TGFA: variants seen among roughly 807,000 people sequenced by gnomAD.
The protein encoded by TGFA is transforming growth factor alpha, also known as protransforming growth factor alpha.
Under a neutral mutation model 21.7 loss-of-function variants are expected in TGFA, and 12 were observed. That is an observed-to-expected ratio of 0.55 (90% CI 0.35 to 0.90). The LOEUF (loss-of-function observed/expected upper bound fraction) is 0.90, where lower values mean the gene tolerates loss of function less well. Ranked by LOEUF, TGFA falls within the 40% of genes least tolerant of loss-of-function variation. TGFA has a pLI of 0.01. For synonymous variants in TGFA, 79 were observed against 88.1 expected (o/e 0.90, Z 0.58); for missense variants, 178 against 210.8 (o/e 0.84, Z 0.96).
At chr2:70,532,390 TG>T (rs1672837887) in intron 1 of TGFA, among the ~76,000 whole-genome samples, 1 of 152,216 alleles carries the variant, frequency 6.6e-6, no homozygotes, top group Non-Finnish European at 1.5e-5. Context: ...CATCTACTTT[TG>T]CTCTGCCCCA....
At chr2:70,498,200 C>T (rs1671632804) in intron 2 of TGFA, among the ~76,000 whole-genome samples, 3 of 152,242 alleles carry the variant, frequency 2.0e-5, no homozygotes, top group South Asian at 2.1e-4. Context: ...CATACCTCAC[C>T]TCTTAAACAG....
At chr2:70,471,174 C>T (rs1403196589) in intron 2 of TGFA, among the ~76,000 whole-genome samples, 3 of 146,788 alleles carry the variant, frequency 2.0e-5, no homozygotes, top group East Asian at 2.1e-4. Context: ...AGGTTCTTTG[C>T]GCAGGGTGCT....
chr2:70,495,608 C>G (rs1263653323), intron 2 of TGFA, among the ~76,000 whole-genome samples: 12 of 152,136 alleles, frequency 7.9e-5, no homozygotes, highest in Admixed American at 7.9e-4. Flanking sequence ...TCTGACACAT[C>G]TTTTAAAGAT....
intron 1 of TGFA, among the ~76,000 whole-genome samples, chr2:70,546,558 C>T (rs1434046146): frequency 2.6e-5 from 4 of 152,112 alleles, no homozygotes; most frequent in South Asian, 2.1e-4. Flanking sequence ...ACTGCAACCT[C>T]GACCTCCCAG....
At position 70,450,687 on chromosome 2, in the gene TGFA, A is replaced by C. The variant is rs1058211; in HGVS notation, c.*172T>G. 35,591 of 666,074 alleles carry C rather than the reference A, an allele frequency of 0.053. 1,351 individuals carry two copies. The highest frequency in any genetic ancestry group is 0.12 in the South Asian group (6,356 of 51,660). 41.3% of individuals were successfully genotyped at this position (666,074 alleles called of 1,614,324 possible). ...TAGGTCACACTGAATAACCCCAAGCAGACGGAGTTCTTGACAGAGTTTTGA... is the reference window on the plus strand; with the variant it reads ...TAGGTCACACTGAATAACCCCAAGCCGACGGAGTTCTTGACAGAGTTTTGA... On this transcript the variant is annotated 3_prime_UTR_variant, in exon 6 of 6. Transcript: ENST00000295400.
intron 2 of TGFA, among the ~76,000 whole-genome samples, chr2:70,471,003 C>T (rs1670726438): frequency 6.6e-6 from 1 of 151,528 alleles, no homozygotes; most frequent in South Asian, 2.1e-4. Context: ...AGAATAAAAC[C>T]CATCTGTAAT....
chr2:70,485,146 GTT>G (rs1553496404), intron 2 of TGFA, among the ~76,000 whole-genome samples: 1 of 152,118 alleles, frequency 6.6e-6, no homozygotes, highest in Non-Finnish European at 1.5e-5. Context: ...GGTAAGTCTT[GTT>G]TATAGCAATA....
At chr2:70,548,016 G>A (rs1553506247) in intron 1 of TGFA, among the ~76,000 whole-genome samples, 1 of 151,874 alleles carries the variant, frequency 6.6e-6, no homozygotes. Flanking sequence ...AAGTGTTCTA[G>A]AGAAAAAATA....
intron 1 of TGFA, among the ~76,000 whole-genome samples, chr2:70,524,499 C>T (rs1237715910): frequency 2.0e-5 from 3 of 152,262 alleles, no homozygotes; most frequent in Admixed American, 6.5e-5. Context: ...GGGCGAGTAT[C>T]GCCGAGCCCT....
At chr2:70,548,954 A>G (rs1199412360) in intron 1 of TGFA, among the ~76,000 whole-genome samples, 2 of 152,198 alleles carry the variant, frequency 1.3e-5, no homozygotes, top group African/African-American at 4.8e-5. Flanking sequence ...AAAAGGCTAA[A>G]CAAAACCAAA....
At chr2:70,527,991 G>A (rs1672691267) in intron 1 of TGFA, among the ~76,000 whole-genome samples, 2 of 152,190 alleles carry the variant, frequency 1.3e-5, no homozygotes, top group Non-Finnish European at 2.9e-5. Context: ...AGCCTTGTAC[G>A]GAGCACTGTG....
intron 1 of TGFA, among the ~76,000 whole-genome samples, chr2:70,519,493 C>T (rs145355252): frequency 1.6e-4 from 25 of 152,278 alleles, no homozygotes; most frequent in African/African-American, 5.8e-4. Context: ...GGTGAGGATG[C>T]TGGCTTCAGG....
At chr2:70,490,635 A>G (rs928367273) in intron 2 of TGFA, among the ~76,000 whole-genome samples, 2 of 152,190 alleles carry the variant, frequency 1.3e-5, no homozygotes, top group African/African-American at 4.8e-5. Flanking sequence ...CTTCCAAAAA[A>G]CACAAATGTC....
At chr2:70,523,626 C>G (rs151108139) in intron 1 of TGFA, among the ~76,000 whole-genome samples, 13 of 152,306 alleles carry the variant, frequency 8.5e-5, no homozygotes, top group African/African-American at 2.9e-4. Flanking sequence ...GCAGGCAGAG[C>G]TCCCTGCCTG....
intron 2 of TGFA, among the ~76,000 whole-genome samples, chr2:70,498,766 A>G (rs1466514819): frequency 6.6e-6 from 1 of 152,092 alleles, no homozygotes; most frequent in Non-Finnish European, 1.5e-5. Flanking sequence ...TTTGTTCTAT[A>G]TTATAGTTGA....
intron 2 of TGFA, among the ~76,000 whole-genome samples, chr2:70,474,344 G>C (rs1670861290): frequency 6.6e-6 from 1 of 152,246 alleles, no homozygotes; most frequent in Non-Finnish European, 1.5e-5. Flanking sequence ...AAGAGCTATA[G>C]AAAATTAGGA....
At chr2:70,464,964 G>A (rs1027447683) in intron 3 of TGFA, among the ~76,000 whole-genome samples, 6 of 152,182 alleles carry the variant, frequency 3.9e-5, no homozygotes, top group African/African-American at 7.2e-5. Context: ...TGTGGCAGTC[G>A]CTGTGGCTCT....
At chr2:70,477,780 A>G (rs539733773) in intron 2 of TGFA, among the ~76,000 whole-genome samples, 2 of 152,288 alleles carry the variant, frequency 1.3e-5, no homozygotes, top group South Asian at 4.1e-4. Flanking sequence ...TCCTTGAATA[A>G]GCACATGGAA....
rs537299561 is a variant in TGFA at position 70,466,662 on chromosome 2, A to G, written c.95-926T>C. 8.5e-5 allele frequency among the ~76,000 whole-genome samples: 13 copies of G among 152,318 alleles called. No homozygotes were observed. The East Asian group carries it at 2.5e-3, about 29-fold the overall frequency. ...TAGGAGTGATAAGGCTATAAAGATT[A>G]CTTAGAGTCCCATTACTGGGTATAT... On this transcript the variant is annotated intron_variant, in intron 2 of 5. Coordinates refer to ENST00000295400, the MANE Select transcript of TGFA (RefSeq NM_003236.4).
Sources: gnomAD v4.1 joint callset for allele counts (sites outside exome capture counted in the v4.1 genomes callset) on GRCh38, gnomAD v4.1.1 for gene constraint, MANE v1.5 for transcripts, NCBI Gene and HGNC (gene_info 2026-07-23, HGNC 2026-07-21) for gene names.